Variants in SMAD3 observed in about 807,000 individuals in gnomAD.
SMAD3 encodes MAD homolog 3.
In SMAD3, 12 loss-of-function variants were observed where a neutral mutation model predicts 51.8. The ratio of observed to expected loss-of-function variants is 0.23; its 90% CI spans 0.15 to 0.38. The LOEUF is 0.38. Ranked by LOEUF, SMAD3 falls within the 10% of genes least tolerant of loss-of-function variation. SMAD3 has a pLI of 1.00. For missense variants in SMAD3, 294 were observed against 565.6 expected (o/e 0.52, Z 4.87); for synonymous variants, 238 against 227.7 (o/e 1.05, Z -0.41).
At chr15:67,077,219 C>A (rs937478153) in intron 1 of SMAD3, among the ~76,000 whole-genome samples, 4 of 151,708 alleles carry the variant, frequency 2.6e-5, no homozygotes, top group African/African-American at 9.7e-5. Flanking sequence ...GCAGGCATTT[C>A]TGTATGTATG....
At chr15:67,108,217 G>A (rs975958687) in intron 1 of SMAD3, among the ~76,000 whole-genome samples, 1 of 152,144 alleles carries the variant, frequency 6.6e-6, no homozygotes, top group African/African-American at 2.4e-5. Flanking sequence ...TATTATTGCT[G>A]TAAATGGGCA....
Position 67,191,956 on chromosome 15 carries a change from C to T in SMAD3, c.*1420C>T, listed in dbSNP as rs1450328511. 4.4e-6 allele frequency: 1 copy of T among 229,286 alleles called. No homozygotes were observed. The highest frequency in any genetic ancestry group is 2.2e-5 in the African/African-American group (1 of 45,096). The allele number at this position is 229,286 out of a possible 1,614,324, so 14.2% of individuals were successfully genotyped here. On this transcript the variant is annotated 3_prime_UTR_variant, in exon 9 of 9. Coordinates refer to ENST00000327367, the MANE Select transcript of SMAD3 (RefSeq NM_005902.4). The stretch of plus-strand genomic sequence containing the variant: ...TCAACTGGAAAAAAGAAAAAAGAGT[C>T]CTCTTCTTTTCCCAGCCTTTTGCAG...
intron 1 of SMAD3, among the ~76,000 whole-genome samples, chr15:67,094,604 A>G (rs1459892279): frequency 1.3e-5 from 2 of 152,168 alleles, no homozygotes; most frequent in African/African-American, 4.8e-5. Flanking sequence ...CCATAAATAT[A>G]TATTACTTCT....
chr15:67,134,882 T>C (rs1961617971), intron 1 of SMAD3, among the ~76,000 whole-genome samples: 1 of 152,184 alleles, frequency 6.6e-6, no homozygotes, highest in Non-Finnish European at 1.5e-5. Context: ...CTGAGAGATT[T>C]CTGCAGACAA....
At position 67,114,361 on chromosome 15, in the gene SMAD3, C is replaced by T. The variant is rs529065975; in HGVS notation, c.206+48001C>T. On this transcript the variant is annotated intron_variant, in intron 1 of 8. Coordinates refer to ENST00000327367, the MANE Select transcript of SMAD3 (RefSeq NM_005902.4). ...CCTCATCACCTACGGTTATGTGTGG[C>T]GCACAGATGGCCACTCTGCAAAGAG... Among the ~76,000 whole-genome samples, 43 of 152,242 alleles carry T rather than the reference C, an allele frequency of 2.8e-4. 1 individual carries two copies. The highest frequency in any genetic ancestry group is 1.2e-3 in the East Asian group (6 of 5,176).
At position 67,103,853 on chromosome 15, in the gene SMAD3, G is replaced by A. The variant is rs548308261; in HGVS notation, c.206+37493G>A. ...GGACCTCTTTCTTTGTGCCAAACTC[G>A]TTGCTGGATTGCCATAAACACTTAC... On this transcript the variant is annotated intron_variant, in intron 1 of 8. Coordinates refer to ENST00000327367, the MANE Select transcript of SMAD3 (RefSeq NM_005902.4). Among the ~76,000 whole-genome samples, 13 of 152,268 alleles carry A rather than the reference G, an allele frequency of 8.5e-5. No individual in the cohort carries two copies. In the South Asian group the frequency reaches 2.7e-3, roughly 32 times the overall value.
At chr15:67,137,533 C>G (rs1961697165) in intron 1 of SMAD3, among the ~76,000 whole-genome samples, 1 of 152,098 alleles carries the variant, frequency 6.6e-6, no homozygotes, top group Non-Finnish European at 1.5e-5. Context: ...TGGATTCTTT[C>G]ATCAGTTTTT....
At chr15:67,172,126 G>A (rs1381292313) in intron 5 of SMAD3, among the ~76,000 whole-genome samples, 1 of 152,224 alleles carries the variant, frequency 6.6e-6, no homozygotes, top group African/African-American at 2.4e-5. Context: ...CCTCTAGATT[G>A]TGTAGACTAG....
intron 1 of SMAD3, among the ~76,000 whole-genome samples, chr15:67,128,754 T>C (rs1261625455): frequency 6.6e-6 from 1 of 152,014 alleles, no homozygotes; most frequent in Non-Finnish European, 1.5e-5. Flanking sequence ...AAATATATTT[T>C]TTAGTAGAGT....
At chr15:67,102,257 T>TGTGTGTGC (rs1960776352) in intron 1 of SMAD3, among the ~76,000 whole-genome samples, 1 of 151,252 alleles carries the variant, frequency 6.6e-6, no homozygotes, top group Admixed American at 6.6e-5. Context: ...AGTGTGTGTG[T>TGTGTGTGC]GTGTGTGTGT....
Position 67,191,571 on chromosome 15 carries a change from A to AT in SMAD3, c.*1035_*1036insT, listed in dbSNP as rs1306936935. On this transcript the variant is annotated 3_prime_UTR_variant, in exon 9 of 9. Transcript: ENST00000327367. ...TTAAAAATCCTGGGCTGGCACATTGACTGGGAAACCTGAGTGAGACCCAGC... is the reference window on the plus strand; with the variant it reads ...TTAAAAATCCTGGGCTGGCACATTGATCTGGGAAACCTGAGTGAGACCCAGC... 1 of 233,110 alleles carries AT rather than the reference A, an allele frequency of 4.3e-6. No homozygotes were observed. Among genetic ancestry groups the AT allele is most frequent in the African/African-American group, 2.2e-5 (1 of 45,316 alleles). The allele number at this position is 233,110 out of a possible 1,614,324, so 14.4% of individuals were successfully genotyped here.
rs183930436 is a variant in SMAD3, at chr15:67,155,030, A to G, written c.207-9865A>G. 3.9e-4 allele frequency among the ~76,000 whole-genome samples: 60 copies of G among 152,314 alleles called. No homozygotes were observed. In the East Asian group the frequency reaches 0.011, roughly 27 times the overall value. The stretch of plus-strand genomic sequence containing the variant: ...GAGGACTCCTTCTCACACTGCAGTA[A>G]TTTGCTGAGTGACCTTGAACAAGGA... On this transcript the variant is annotated intron_variant, in intron 1 of 8. Coordinates refer to ENST00000327367, the MANE Select transcript of SMAD3 (RefSeq NM_005902.4).
chr15:67,164,579 T>C (rs1465383422), intron 1 of SMAD3, among the ~76,000 whole-genome samples: 2 of 152,316 alleles, frequency 1.3e-5, no homozygotes, highest in Non-Finnish European at 2.9e-5. Flanking sequence ...CAAGCACAAC[T>C]GAAGTGACTG....
intron 1 of SMAD3, among the ~76,000 whole-genome samples, chr15:67,103,866 C>T (rs1420472546): frequency 1.3e-5 from 2 of 152,158 alleles, no homozygotes; most frequent in Non-Finnish European, 2.9e-5. Flanking sequence ...GCTGGATTGC[C>T]ATAAACACTT....
chr15:67,159,014 A>G (rs539321380), intron 1 of SMAD3, among the ~76,000 whole-genome samples: 1 of 152,120 alleles, frequency 6.6e-6, no homozygotes, highest in Non-Finnish European at 1.5e-5. Flanking sequence ...GATTGTTAAT[A>G]CTGAGTGTTC....
At chr15:67,096,425 A>T (rs1267990825) in intron 1 of SMAD3, among the ~76,000 whole-genome samples, 1 of 152,254 alleles carries the variant, frequency 6.6e-6, no homozygotes, top group Non-Finnish European at 1.5e-5. Context: ...GTGATTCCAC[A>T]TACTAGTTAA....
intron 1 of SMAD3, among the ~76,000 whole-genome samples, chr15:67,121,544 G>GT (rs1399441557): frequency 1.3e-5 from 2 of 152,190 alleles, no homozygotes; most frequent in Admixed American, 1.3e-4. Flanking sequence ...TCTTGGGGCA[G>GT]TTTGTACTGG....
intron 1 of SMAD3, among the ~76,000 whole-genome samples, chr15:67,101,555 G>C (rs1209397754): frequency 1.3e-5 from 2 of 152,192 alleles, no homozygotes; most frequent in Non-Finnish European, 2.9e-5. Flanking sequence ...TGACAGTGAT[G>C]ATGATGCCAC....
chr15:67,086,015 G>A (rs1960385066), intron 1 of SMAD3, among the ~76,000 whole-genome samples: 1 of 151,588 alleles, frequency 6.6e-6, no homozygotes, highest in South Asian at 2.1e-4. Context: ...CTCTGGGTCA[G>A]TGGTTTCTCA....
Sources: allele counts gnomAD v4.1 joint callset (sites outside exome capture counted in the v4.1 genomes callset), GRCh38; gene constraint gnomAD v4.1.1; transcripts MANE v1.5; gene names NCBI Gene and HGNC (gene_info 2026-07-23, HGNC 2026-07-21).